The following NOL10 variants were observed in gnomAD, a reference collection of about 807,000 sequenced individuals.
NOL10 encodes the protein nucleolar protein 10.
A neutral mutation model predicts 103.5 loss-of-function variants in NOL10; 58 were observed. That is an observed-to-expected ratio of 0.56 (90% CI 0.45 to 0.70). The LOEUF (loss-of-function observed/expected upper bound fraction) is 0.70. NOL10 is among the 30% of genes least tolerant of loss of function. NOL10 has a pLI of 0.00. For missense variants in NOL10, 763 were observed against 807.3 expected (o/e 0.95, Z 0.67); for synonymous variants, 287 against 282.5 (o/e 1.02, Z -0.16).
intron 14 of NOL10, among the ~76,000 whole-genome samples, chr2:10,606,428 C>T (rs1676262543): frequency 6.6e-6 from 1 of 151,722 alleles, no homozygotes; most frequent in Non-Finnish European, 1.5e-5. Context: ...AGTTCAAGAC[C>T]AGCCCGGCCA....
intron 19 of NOL10, among the ~76,000 whole-genome samples, chr2:10,578,327 G>A (rs1014734396): frequency 6.6e-6 from 1 of 152,180 alleles, no homozygotes; most frequent in Non-Finnish European, 1.5e-5. Context: ...TCTGTCTGAT[G>A]ACGCTGAGAG....
chr2:10,607,515 G>C (rs1676321383), intron 13 of NOL10, among the ~76,000 whole-genome samples: 1 of 152,080 alleles, frequency 6.6e-6, no homozygotes, highest in African/African-American at 2.4e-5. Flanking sequence ...GCTTGTAAGA[G>C]AAAACAACCT....
chr2:10,597,456 A>G (rs1258491606), intron 17 of NOL10, among the ~76,000 whole-genome samples: 1 of 152,228 alleles, frequency 6.6e-6, no homozygotes, highest in East Asian at 1.9e-4. Context: ...AGGCGAGACT[A>G]ATGATCTGCT....
chr2:10,687,281 C>T (rs188513723), intron 1 of NOL10, among the ~76,000 whole-genome samples: 9 of 152,310 alleles, frequency 5.9e-5, no homozygotes, highest in South Asian at 2.1e-4. Context: ...GGGCGCTCTG[C>T]ATCATGCCAA....
At chr2:10,579,559 G>GA (rs1284393683) in intron 19 of NOL10, among the ~76,000 whole-genome samples, 1 of 144,634 alleles carries the variant, frequency 6.9e-6, no homozygotes, top group Non-Finnish European at 1.5e-5. Context: ...ATTTCGGTTA[G>GA]CTTTTTTTTT....
chr2:10,655,576 T>C (rs1262836439), intron 11 of NOL10, among the ~76,000 whole-genome samples: 1 of 151,844 alleles, frequency 6.6e-6, no homozygotes. Flanking sequence ...GCTAAGAAGG[T>C]GGGTGTGGAA....
chr2:10,609,431 CAAAAAAA>C (rs60104799), intron 13 of NOL10, among the ~76,000 whole-genome samples: 39,748 of 111,802 alleles, frequency 0.36, 6,124 homozygotes, highest in Middle Eastern at 0.44. Context: ...ACTAAAAATA[CAAAAAAA>C]AAAAAAAAAA....
At chr2:10,596,426 A>T (rs2010080) in intron 17 of NOL10, among the ~76,000 whole-genome samples, 89,955 of 152,006 alleles carry the variant, frequency 0.59, 27,645 homozygotes, top group African/African-American at 0.74. Flanking sequence ...GCAACTAGAA[A>T]GTCCCATCGG....
intron 13 of NOL10, among the ~76,000 whole-genome samples, chr2:10,643,332 T>C (rs1366501083): frequency 1.3e-5 from 2 of 152,192 alleles, no homozygotes; most frequent in South Asian, 2.1e-4. Flanking sequence ...TGCAAGATGA[T>C]AGTGGTTACA....
At position 10,689,925 on chromosome 2, in the gene NOL10, C is replaced by G; in HGVS notation, c.-64G>C. The stretch of plus-strand genomic sequence containing the variant: ...CACCAGCGTGCTCGAGCACCGTAAT[C>G]CCGGGACCTCCGAGCCCCTGCTCCG... On this transcript the variant is annotated 5_prime_UTR_variant, in exon 1 of 21. Coordinates refer to ENST00000381685, the MANE Select transcript of NOL10 (RefSeq NM_024894.4). 4 of 1,475,992 alleles carry G rather than the reference C, an allele frequency of 2.7e-6. No individual in the cohort carries two copies. The highest frequency in any genetic ancestry group is 1.9e-6 in the Non-Finnish European group (2 of 1,077,648). The allele number at this position is 1,475,992 out of a possible 1,614,324, so 91.4% of individuals were successfully genotyped here. A position where few individuals can be genotyped will look rare whatever the true frequency, so the allele number is the denominator to read the frequency against.
intron 7 of NOL10, among the ~76,000 whole-genome samples, 162 bp downstream of exon 7, chr2:10,668,496 T>C (rs537700988): frequency 1.3e-5 from 2 of 152,350 alleles, no homozygotes; most frequent in East Asian, 1.9e-4. Context: ...ACCAGATCTT[T>C]CAGTGAATTT....
chr2:10,625,851 C>T (rs1677425557), intron 13 of NOL10, among the ~76,000 whole-genome samples: 1 of 151,880 alleles, frequency 6.6e-6, no homozygotes, highest in South Asian at 2.1e-4. Context: ...CAATGAGAGA[C>T]AAAATACATT....
intron 9 of NOL10, among the ~76,000 whole-genome samples, chr2:10,660,382 A>T (rs1680118467): frequency 6.6e-6 from 1 of 152,080 alleles, no homozygotes; most frequent in Non-Finnish European, 1.5e-5. Flanking sequence ...CAGTGGCATG[A>T]TCTCAGCTCT....
intron 10 of NOL10, 98 bp downstream of exon 10, chr2:10,659,074 T>A: frequency 1.2e-6 from 1 of 814,638 alleles, no homozygotes; most frequent in Non-Finnish European, 2.1e-6. Context: ...TAAAATAGTA[T>A]GATCTCATTT....
chr2:10,638,611 C>A (rs530575789), intron 13 of NOL10, among the ~76,000 whole-genome samples: 20 of 149,090 alleles, frequency 1.3e-4, no homozygotes, highest in Admixed American at 4.0e-4. Flanking sequence ...CCTGCCTCAG[C>A]CTCCCAAGTA....
Position 10,675,860 on chromosome 2 carries a change from G to A in NOL10, c.223C>T (p.Pro75Ser). ...TAGGTGTCATAACATCGAACCCGAG[G>A]TTTATATGTTCCTACAAAAAATTAA... ...QYILATGTYKPRVRCYDTYQL... is the reference protein window; with the variant it reads ...QYILATGTYKSRVRCYDTYQL... Residue 75 changes from proline (P) to serine (S), a missense_variant, in exon 4 of 21, where the codon CCT (proline) becomes TCT (serine). Pro to Ser is a moderately conservative substitution (Grantham distance 74, BLOSUM62 -1). Transcript: ENST00000381685. 1 of 1,564,104 alleles carries A rather than the reference G, an allele frequency of 6.4e-7. No homozygotes were observed. The highest frequency in any genetic ancestry group is 8.7e-7 in the Non-Finnish European group (1 of 1,149,214).
intron 11 of NOL10, among the ~76,000 whole-genome samples, chr2:10,657,073 C>T (rs1679884067): frequency 6.6e-6 from 1 of 152,164 alleles, no homozygotes; most frequent in African/African-American, 2.4e-5. Flanking sequence ...AATCCCAGCA[C>T]TTCAGGAGGT....
At chr2:10,677,645 G>C (rs1054007126) in intron 3 of NOL10, among the ~76,000 whole-genome samples, 5 of 151,446 alleles carry the variant, frequency 3.3e-5, no homozygotes, top group African/African-American at 1.2e-4. Context: ...TGTAATTTTT[G>C]TATTTTTTGT....
chr2:10,666,402 A>C (rs1465978085), intron 8 of NOL10, among the ~76,000 whole-genome samples: 3 of 151,808 alleles, frequency 2.0e-5, no homozygotes, highest in Admixed American at 1.3e-4. Flanking sequence ...GCGGGAGTGC[A>C]GTGGCCCAAT....
Sources: gnomAD v4.1 joint callset for allele counts (sites outside exome capture counted in the v4.1 genomes callset) on GRCh38, gnomAD v4.1.1 for gene constraint, MANE v1.5 for transcripts, NCBI Gene and HGNC (gene_info 2026-07-23, HGNC 2026-07-21) for gene names.